The following LOC400499 variants were observed in gnomAD, a reference collection of about 807,000 sequenced individuals.
chr16:11,375,130 G>A, the LOC400499 span, among the ~76,000 whole-genome samples: 1 of 148,834 alleles, frequency 6.7e-6, no homozygotes, highest in South Asian at 2.1e-4. Flanking sequence ...TTACAGGTGT[G>A]AGCCACTGCA....
At chr16:11,446,900 G>A in the LOC400499 span, 2 of 1,534,822 alleles carry the variant, frequency 1.3e-6, no homozygotes, top group Non-Finnish European at 8.7e-7. Flanking sequence ...ATGGGCAGGT[G>A]CAACGGGTGC....
chr16:11,513,434 T>A, the LOC400499 span, among the ~76,000 whole-genome samples: 2 of 146,768 alleles, frequency 1.4e-5, no homozygotes, highest in East Asian at 3.9e-4. Flanking sequence ...AAAATTTATT[T>A]ATTTATTTAT....
the LOC400499 span, among the ~76,000 whole-genome samples, chr16:11,510,479 G>A: frequency 6.6e-6 from 1 of 151,714 alleles, no homozygotes; most frequent in Non-Finnish European, 1.5e-5. Context: ...TACTTTCTCA[G>A]AGAGGCCCTC....
At chr16:11,473,162 C>T in the LOC400499 span, 18 of 148,440 alleles carry the variant, frequency 1.2e-4, no homozygotes, top group Non-Finnish European at 2.2e-4. Flanking sequence ...GTACTTGTTG[C>T]AGGAAATTAG....
chr16:11,490,387 C>T, the LOC400499 span, among the ~76,000 whole-genome samples: 11 of 130,772 alleles, frequency 8.4e-5, no homozygotes, highest in South Asian at 2.8e-3. Context: ...CAGAGTGAGA[C>T]TCTGTCTCGA....
At chr16:11,522,841 G>A in the LOC400499 span, among the ~76,000 whole-genome samples, 1 of 152,158 alleles carries the variant, frequency 6.6e-6, no homozygotes, top group Non-Finnish European at 1.5e-5. Context: ...TGGGGGATCT[G>A]GGGGTGAGGA....
At chr16:11,501,292 G>A in the LOC400499 span, among the ~76,000 whole-genome samples, 5 of 152,016 alleles carry the variant, frequency 3.3e-5, no homozygotes, top group African/African-American at 7.3e-5. Flanking sequence ...TAGCGGAACA[G>A]GAACCAGCAA....
At chr16:11,409,849 ATG>A in the LOC400499 span, among the ~76,000 whole-genome samples, 1 of 149,264 alleles carries the variant, frequency 6.7e-6, no homozygotes, top group East Asian at 2.0e-4. Context: ...TACAGAAAAA[ATG>A]TGTGATGATA....
the LOC400499 span, among the ~76,000 whole-genome samples, chr16:11,470,243 T>A: frequency 7.2e-5 from 11 of 152,196 alleles, no homozygotes; most frequent in South Asian, 1.7e-3. Context: ...TGTGTCCTTG[T>A]CCCCCAGCTT....
chr16:11,415,327 G>A, the LOC400499 span, among the ~76,000 whole-genome samples: 4 of 152,200 alleles, frequency 2.6e-5, no homozygotes, highest in Non-Finnish European at 4.4e-5. Flanking sequence ...CCAGGTTCCC[G>A]TGGGGTGCAG....
the LOC400499 span, among the ~76,000 whole-genome samples, chr16:11,451,546 G>A: frequency 1.9e-3 from 251 of 134,276 alleles, 2 homozygotes; most frequent in African/African-American, 6.5e-3. Flanking sequence ...GGGAGACCCT[G>A]TCTCAAAACA....
At chr16:11,416,739 G>C in the LOC400499 span, among the ~76,000 whole-genome samples, 1 of 152,190 alleles carries the variant, frequency 6.6e-6, no homozygotes, top group Non-Finnish European at 1.5e-5. Context: ...ACCTAAGGGA[G>C]GTGAGGGAGC....
At chr16:11,463,822 TG>T in the LOC400499 span, among the ~76,000 whole-genome samples, 2 of 152,188 alleles carry the variant, frequency 1.3e-5, no homozygotes, top group Admixed American at 1.3e-4. Flanking sequence ...TATGTGTGTA[TG>T]GACGTGTGTT....
chr16:11,514,512 C>T, the LOC400499 span: 5 of 399,648 alleles, frequency 1.3e-5, no homozygotes, highest in Middle Eastern at 6.2e-4. Flanking sequence ...AAGCTCTGGA[C>T]GCAGGTCAGG....
At chr16:11,423,196 C>G in the LOC400499 span, 4 of 399,236 alleles carry the variant, frequency 1.0e-5, no homozygotes, top group Non-Finnish European at 1.8e-5. Context: ...GGCTGCCCAG[C>G]GATGTCCCCT....
At chr16:11,462,195 G>A in the LOC400499 span, 2 of 1,534,846 alleles carry the variant, frequency 1.3e-6, no homozygotes, top group South Asian at 1.2e-5. Flanking sequence ...TGCCGTGTGA[G>A]GTTCCCGGTG....
At chr16:11,513,389 G>A in the LOC400499 span, among the ~76,000 whole-genome samples, 25 of 125,304 alleles carry the variant, frequency 2.0e-4, no homozygotes, top group Admixed American at 1.7e-3. Context: ...CTGGGCAACA[G>A]AACGAGACTG....
chr16:11,462,623 A>G, the LOC400499 span, among the ~76,000 whole-genome samples: 2 of 152,024 alleles, frequency 1.3e-5, no homozygotes, highest in East Asian at 1.9e-4. Flanking sequence ...GAGTTTCACT[A>G]TGTTGGCTAG....
At chr16:11,411,854 TC>T in the LOC400499 span, among the ~76,000 whole-genome samples, 2 of 59,724 alleles carry the variant, frequency 3.3e-5, no homozygotes, top group Non-Finnish European at 1.0e-4. Context: ...TTTCTCTTTT[TC>T]TTTTTTTTTT....
Sources: gnomAD v4.1 joint callset for allele counts (sites outside exome capture counted in the v4.1 genomes callset) on GRCh38, gnomAD v4.1.1 for gene constraint, MANE v1.5 for transcripts.